Variants in SENP7 observed in about 807,000 individuals in gnomAD.
The protein encoded by SENP7 is SUMO specific peptidase 7, also known as sentrin-specific protease 7.
Under a neutral mutation model 141.2 loss-of-function variants are expected in SENP7, and 64 were observed. That is an observed-to-expected ratio of 0.45 (90% CI 0.37 to 0.56). The LOEUF (loss-of-function observed/expected upper bound fraction) is 0.56, where lower values mean the gene tolerates loss of function less well. Among genes scored for constraint, SENP7 ranks in the 20% least tolerant of loss-of-function variants. The pLI, the probability that SENP7 is intolerant of heterozygous loss-of-function variation, is 0.00. For synonymous variants in SENP7, 382 were observed against 426.4 expected (o/e 0.90, Z 1.28); for missense variants, 1,025 against 1,212.2 (o/e 0.85, Z 2.29).
chr3:101,346,495 T>A lies in SENP7; in HGVS notation c.1837+1377A>T, dbSNP rs570489625. Among the ~76,000 whole-genome samples, 3 of 152,284 alleles carry A rather than the reference T, an allele frequency of 2.0e-5. No individual in the cohort carries two copies. In the South Asian group the frequency reaches 6.2e-4, roughly 32 times the overall value. ...AGCACAATTCACAATTCCAAAAATGTGGAAGCAGCCCAAATGCCCATCAAT... is the reference window on the plus strand; with the variant it reads ...AGCACAATTCACAATTCCAAAAATGAGGAAGCAGCCCAAATGCCCATCAAT... On this transcript the variant is annotated intron_variant, in intron 13 of 23. Transcript: ENST00000394095.
At chr3:101,395,204 G>C (rs2060932867) in intron 6 of SENP7, among the ~76,000 whole-genome samples, 1 of 152,142 alleles carries the variant, frequency 6.6e-6, no homozygotes, top group Non-Finnish European at 1.5e-5. Flanking sequence ...TGAGGTCTAA[G>C]TCAAAAAATC....
chr3:101,342,519 A>G (rs1002036390), intron 14 of SENP7, among the ~76,000 whole-genome samples: 1 of 152,232 alleles, frequency 6.6e-6, no homozygotes, highest in Non-Finnish European at 1.5e-5. Flanking sequence ...ATACACAACC[A>G]TAATACAATG....
chr3:101,404,744 C>G (rs1252040826), intron 5 of SENP7, among the ~76,000 whole-genome samples: 1 of 152,132 alleles, frequency 6.6e-6, no homozygotes, highest in Non-Finnish European at 1.5e-5. Flanking sequence ...AGCAAACAAT[C>G]CCATTACAAA....
chr3:101,406,592 G>T (rs1403322829), intron 5 of SENP7, among the ~76,000 whole-genome samples: 1 of 150,426 alleles, frequency 6.6e-6, no homozygotes, highest in African/African-American at 2.4e-5. Context: ...AAAAAAAAAA[G>T]AATAATAGGT....
intron 4 of SENP7, among the ~76,000 whole-genome samples, chr3:101,418,818 A>C (rs900892086): frequency 2.6e-5 from 4 of 152,138 alleles, no homozygotes; most frequent in African/African-American, 9.7e-5. Context: ...ACACACAAAA[A>C]AAAATTAAGC....
chr3:101,327,110 C>A (rs899208571), intron 23 of SENP7, among the ~76,000 whole-genome samples: 9 of 152,030 alleles, frequency 5.9e-5, no homozygotes, highest in African/African-American at 2.2e-4. Context: ...TTAATCAAAT[C>A]ATTTTAAAGT....
At chr3:101,484,290 G>C (rs989297204) in intron 3 of SENP7, among the ~76,000 whole-genome samples, 1 of 152,158 alleles carries the variant, frequency 6.6e-6, no homozygotes, top group Non-Finnish European at 1.5e-5. Context: ...TGAAAATGAC[G>C]TATCTGCTAC....
intron 5 of SENP7, among the ~76,000 whole-genome samples, chr3:101,410,569 G>A (rs563103001): frequency 2.6e-5 from 4 of 152,228 alleles, no homozygotes; most frequent in African/African-American, 4.8e-5. Context: ...GGTATAGGCC[G>A]GGCACAGTGG....
intron 4 of SENP7, among the ~76,000 whole-genome samples, chr3:101,436,172 G>A (rs895401604): frequency 9.9e-5 from 15 of 152,026 alleles, no homozygotes; most frequent in Admixed American, 3.9e-4. Context: ...ATACACTGAT[G>A]GAAAGACACC....
At position 101,376,943 on chromosome 3, in the gene SENP7, T is replaced by G. The variant is rs575271520; in HGVS notation, c.678-4817A>C. ...CTCTAAGGTAAAATGAACTATCATA[T>G]GCTAATGACTAAAAGTTGTAAGATT... is the stretch of plus-strand genomic sequence containing the variant. On this transcript the variant is annotated intron_variant, in intron 6 of 23. Transcript: ENST00000394095. 9.9e-5 allele frequency among the ~76,000 whole-genome samples: 15 copies of G among 152,280 alleles called. No individual in the cohort carries two copies. In the South Asian group the frequency reaches 2.9e-3, roughly 29 times the overall value.
At chr3:101,449,078 T>C (rs1018591995) in intron 4 of SENP7, among the ~76,000 whole-genome samples, 1 of 151,936 alleles carries the variant, frequency 6.6e-6, no homozygotes, top group Admixed American at 6.6e-5. Flanking sequence ...ACGCGGCAAA[T>C]GCACAAGCCT....
intron 6 of SENP7, among the ~76,000 whole-genome samples, chr3:101,376,776 A>C (rs952718509): frequency 2.6e-5 from 4 of 152,200 alleles, no homozygotes; most frequent in Non-Finnish European, 4.4e-5. Flanking sequence ...CTAAAACTTA[A>C]AGTATAATTT....
rs531828502 is a variant in SENP7 at position 101,488,617 on chromosome 3, G to A, written c.186+5256C>T. 1.1e-4 allele frequency among the ~76,000 whole-genome samples: 17 copies of A among 152,314 alleles called. No homozygotes were observed. In the South Asian group the frequency reaches 3.5e-3, roughly 32 times the overall value. On this transcript the variant is annotated intron_variant, in intron 3 of 23. Transcript: ENST00000394095. ...AGCACTTTGGGAGGCCGAGGCAGCTGGATTGCCTGAGCTCAGAAGTTCGAG... is the reference window on the plus strand; with the variant it reads ...AGCACTTTGGGAGGCCGAGGCAGCTAGATTGCCTGAGCTCAGAAGTTCGAG...
At chr3:101,380,196 C>T (rs1376099987) in intron 6 of SENP7, among the ~76,000 whole-genome samples, 1 of 151,914 alleles carries the variant, frequency 6.6e-6, no homozygotes, top group African/African-American at 2.4e-5. Flanking sequence ...GTTCCTGTTT[C>T]ATAGATACAG....
chr3:101,470,795 C>G (rs979504168), intron 3 of SENP7, among the ~76,000 whole-genome samples: 4 of 152,214 alleles, frequency 2.6e-5, no homozygotes, highest in African/African-American at 9.7e-5. Flanking sequence ...GAAGCAACTT[C>G]AGCAAAGTCT....
rs139252356 is a variant in SENP7, at chr3:101,381,323, T to C, written c.678-9197A>G. On this transcript the variant is annotated intron_variant, in intron 6 of 23. Coordinates refer to ENST00000394095, the MANE Select transcript of SENP7 (RefSeq NM_020654.5). ...TCAAAAAGTTTCCACATTTATAAAA[T>C]AGAAATATTAACTGCTCTCCTATCT... Among the ~76,000 whole-genome samples, 886 of 152,278 alleles carry C rather than the reference T, an allele frequency of 5.8e-3. 4 individuals are homozygous for C. The highest frequency in any genetic ancestry group is 9.9e-3 in the Non-Finnish European group (672 of 67,996).
chr3:101,473,528 G>A (rs968220891), intron 3 of SENP7, among the ~76,000 whole-genome samples: 5 of 152,152 alleles, frequency 3.3e-5, no homozygotes, highest in Non-Finnish European at 5.9e-5. Flanking sequence ...CTGCATGTAC[G>A]TCTTCTTTGG....
intron 1 of SENP7, among the ~76,000 whole-genome samples, chr3:101,501,785 A>C (rs954054075): frequency 1.3e-5 from 2 of 152,208 alleles, no homozygotes; most frequent in African/African-American, 4.8e-5. Context: ...TGGAACTTAG[A>C]GTCTACTGGA....
intron 3 of SENP7, among the ~76,000 whole-genome samples, chr3:101,471,810 C>A (rs1290049695): frequency 6.6e-6 from 1 of 152,040 alleles, no homozygotes; most frequent in Middle Eastern, 3.2e-3. Context: ...AAGAAAAAAA[C>A]AAACAACCCC....
Sources: allele counts gnomAD v4.1 joint callset (sites outside exome capture counted in the v4.1 genomes callset), GRCh38; gene constraint gnomAD v4.1.1; transcripts MANE v1.5; gene names NCBI Gene and HGNC (gene_info 2026-07-23, HGNC 2026-07-21).